KCNH5: variants seen among roughly 807,000 people sequenced by gnomAD.
KCNH5 encodes voltage-gated delayed rectifier potassium channel KCNH5.
A neutral mutation model predicts 96.1 loss-of-function variants in KCNH5; 46 were observed. The observed-to-expected ratio is 0.48, with a 90% confidence interval of 0.38 to 0.61. The LOEUF is 0.61. KCNH5 is among the 20% of genes least tolerant of loss of function. The pLI, the probability that KCNH5 is intolerant of heterozygous loss-of-function variation, is 0.00. For missense variants in KCNH5, 907 were observed against 1,225.8 expected, an observed-to-expected ratio of 0.74 and a Z score of 3.88; for synonymous variants, 439 against 449.8, an observed-to-expected ratio of 0.98 and a Z score of 0.30.
At chr14:63,035,606 C>G (rs2139628767) in intron 1 of KCNH5, among the ~76,000 whole-genome samples, 1 of 152,310 alleles carries the variant, frequency 6.6e-6, no homozygotes, top group Non-Finnish European at 1.5e-5. Context: ...AGAACTGATA[C>G]TTCTTTTGCT....
intron 10 of KCNH5, among the ~76,000 whole-genome samples, chr14:62,736,046 A>G (rs1162565619): frequency 6.6e-6 from 1 of 152,180 alleles, no homozygotes; most frequent in African/African-American, 2.4e-5. Context: ...TTCAGGCTTT[A>G]AGGCTCTAGA....
At chr14:62,875,633 G>A (rs1210262900) in intron 7 of KCNH5, among the ~76,000 whole-genome samples, 4 of 152,100 alleles carry the variant, frequency 2.6e-5, no homozygotes, top group Non-Finnish European at 4.4e-5. Context: ...AGACAGTGGC[G>A]ATTCCTCAAA....
chr14:62,835,495 C>T (rs1162545646), intron 8 of KCNH5, among the ~76,000 whole-genome samples: 2 of 151,838 alleles, frequency 1.3e-5, no homozygotes, highest in African/African-American at 4.8e-5. Flanking sequence ...GAAAATATTA[C>T]CCAATTAATG....
intron 8 of KCNH5, among the ~76,000 whole-genome samples, chr14:62,825,027 T>C (rs1177351172): frequency 6.6e-6 from 1 of 152,236 alleles, no homozygotes; most frequent in South Asian, 2.1e-4. Flanking sequence ...CTTAGGTTGA[T>C]CCCATGTCTT....
At chr14:62,885,426 A>G (rs929316319) in intron 7 of KCNH5, among the ~76,000 whole-genome samples, 2 of 152,242 alleles carry the variant, frequency 1.3e-5, no homozygotes, top group Non-Finnish European at 2.9e-5. Context: ...ATAATAGTTG[A>G]AAATATTCTT....
intron 7 of KCNH5, among the ~76,000 whole-genome samples, chr14:62,853,476 TATATC>T (rs68033406): frequency 0.11 from 14,046 of 126,638 alleles, 1,185 homozygotes; most frequent in East Asian, 0.3. Context: ...TATATATATA[TATATC>T]ATATATATAT....
At chr14:62,711,163 C>T (rs1326464969) in intron 10 of KCNH5, among the ~76,000 whole-genome samples, 1 of 152,142 alleles carries the variant, frequency 6.6e-6, no homozygotes, top group Non-Finnish European at 1.5e-5. Context: ...AAGACTGTAA[C>T]ATGTCCATGT....
intron 7 of KCNH5, among the ~76,000 whole-genome samples, chr14:62,922,604 G>A (rs78041761): frequency 6.6e-5 from 10 of 151,910 alleles, no homozygotes; most frequent in South Asian, 4.1e-4. Context: ...TACACTATAC[G>A]CCATGATCAA....
At chr14:62,968,578 T>C (rs1890346438) in intron 6 of KCNH5, among the ~76,000 whole-genome samples, 1 of 152,210 alleles carries the variant, frequency 6.6e-6, no homozygotes, top group Non-Finnish European at 1.5e-5. Flanking sequence ...TCAAAGGATA[T>C]GCCCTATAGT....
At position 62,699,529 on chromosome 14, in the gene KCNH5, A is replaced by G. The variant is rs1884314180; in HGVS notation, c.*7979T>C. 1 of 152,208 alleles carries G rather than the reference A, an allele frequency of 6.6e-6. No homozygotes were observed. Among genetic ancestry groups the G allele is most frequent in the African/African-American group, 2.4e-5 (1 of 41,450 alleles). The allele number at this position is 152,208 out of a possible 1,614,324, so 9.4% of individuals were successfully genotyped here. A position where few individuals can be genotyped will look rare whatever the true frequency, so the allele number is the denominator to read the frequency against. On this transcript the variant is annotated 3_prime_UTR_variant, in exon 11 of 11. Coordinates refer to ENST00000322893, the MANE Select transcript of KCNH5 (RefSeq NM_139318.5). The stretch of plus-strand genomic sequence containing the variant: ...ATCCACATTTAAATAAAGTGTGAAA[A>G]AAAGCAAAGTTAGTCCTCCCTGATG...
At chr14:62,795,709 A>G (rs142243964) in intron 9 of KCNH5, among the ~76,000 whole-genome samples, 31 of 152,276 alleles carry the variant, frequency 2.0e-4, no homozygotes, top group African/African-American at 6.7e-4. Flanking sequence ...ATCCTATCAT[A>G]GATGACAGAG....
At chr14:62,816,189 G>A (rs1340927145) in intron 8 of KCNH5, among the ~76,000 whole-genome samples, 2 of 151,698 alleles carry the variant, frequency 1.3e-5, no homozygotes, top group Admixed American at 6.6e-5. Flanking sequence ...AGCTAAACAA[G>A]ATAAAACAAA....
chr14:62,754,066 T>A (rs538573985), intron 10 of KCNH5, among the ~76,000 whole-genome samples: 1 of 152,226 alleles, frequency 6.6e-6, no homozygotes, highest in East Asian at 1.9e-4. Flanking sequence ...CAATAATATA[T>A]AAAATAGAAA....
chr14:63,024,566 CAA>C (rs1027890201), intron 1 of KCNH5, among the ~76,000 whole-genome samples: 4 of 151,754 alleles, frequency 2.6e-5, no homozygotes, highest in African/African-American at 7.2e-5. Flanking sequence ...AGAGAAGACT[CAA>C]AAAAATCAGA....
intron 10 of KCNH5, among the ~76,000 whole-genome samples, chr14:62,731,647 A>T (rs1269319284): frequency 2.0e-5 from 3 of 152,186 alleles, no homozygotes; most frequent in African/African-American, 7.2e-5. Context: ...TACTTGTAGG[A>T]ATTTTGTTAC....
chr14:62,841,577 A>G (rs1373191469), intron 8 of KCNH5, among the ~76,000 whole-genome samples: 2 of 152,228 alleles, frequency 1.3e-5, no homozygotes, highest in East Asian at 1.9e-4. Flanking sequence ...TTGATGTTCT[A>G]TTTTCATCTA....
chr14:62,737,948 T>A (rs999593324), intron 10 of KCNH5, among the ~76,000 whole-genome samples: 6 of 152,134 alleles, frequency 3.9e-5, no homozygotes, highest in Non-Finnish European at 8.8e-5. Context: ...CATATACATT[T>A]TTCCTATACC....
intron 10 of KCNH5, among the ~76,000 whole-genome samples, chr14:62,714,118 AC>A (rs1457994776): frequency 1.5e-5 from 1 of 66,056 alleles, no homozygotes; most frequent in Non-Finnish European, 3.4e-5. Flanking sequence ...CCCTATCTCT[AC>A]AATAAAATTT....
chr14:62,744,008 T>C (rs903114099), intron 10 of KCNH5, among the ~76,000 whole-genome samples: 5 of 152,188 alleles, frequency 3.3e-5, no homozygotes, highest in Non-Finnish European at 7.3e-5. Context: ...AGCTTTGAAC[T>C]CTTACAACTT....
Sources: allele counts gnomAD v4.1 joint callset (sites outside exome capture counted in the v4.1 genomes callset), GRCh38; gene constraint gnomAD v4.1.1; transcripts MANE v1.5; gene names NCBI Gene and HGNC (gene_info 2026-07-23, HGNC 2026-07-21).